MMP16: variants seen among roughly 807,000 people sequenced by gnomAD.
MMP16 encodes the protein matrix metalloproteinase-16.
Under a neutral mutation model 67.8 loss-of-function variants are expected in MMP16, and 12 were observed. The ratio of observed to expected loss-of-function variants is 0.18; its 90% CI spans 0.11 to 0.29. The LOEUF (loss-of-function observed/expected upper bound fraction) is 0.29, where lower values mean the gene tolerates loss of function less well. MMP16 is among the 10% of genes least tolerant of loss of function. The pLI is 1.00. For missense variants in MMP16, 475 were observed against 765.7 expected, an observed-to-expected ratio of 0.62 and a Z score of 4.48; for synonymous variants, 249 against 255.9, an observed-to-expected ratio of 0.97 and a Z score of 0.26.
At chr8:88,213,750 C>T (rs541713526) in intron 1 of MMP16, among the ~76,000 whole-genome samples, 6 of 152,054 alleles carry the variant, frequency 3.9e-5, no homozygotes, top group African/African-American at 1.2e-4. Context: ...TAATTACATA[C>T]CAAAGAAGCA....
chr8:88,067,321 C>A lies in MMP16; in HGVS notation c.1222+7284G>T, dbSNP rs188928077. On this transcript the variant is annotated intron_variant, in intron 7 of 9. Coordinates refer to ENST00000286614, the MANE Select transcript of MMP16 (RefSeq NM_005941.5). Reference sequence around the variant, plus strand: ...TCATAATCAACATGCTCTGGAACAACGAAGGAATCAAATTGTACTACCTAT... The same window carrying A: ...TCATAATCAACATGCTCTGGAACAAAGAAGGAATCAAATTGTACTACCTAT... Among the ~76,000 whole-genome samples the A allele has an allele frequency of 1.8e-3, 273 of 151,980 alleles. 3 individuals carry two copies. The highest frequency in any genetic ancestry group is 6.3e-3 in the African/African-American group (260 of 41,480).
At chr8:88,245,126 A>T (rs1810093007) in intron 1 of MMP16, among the ~76,000 whole-genome samples, 1 of 152,124 alleles carries the variant, frequency 6.6e-6, no homozygotes, top group Admixed American at 6.5e-5. Context: ...CTCAACCCTG[A>T]ATTGTTTTCT....
chr8:88,047,648 C>T (rs28991908), intron 8 of MMP16, among the ~76,000 whole-genome samples: 2 of 152,150 alleles, frequency 1.3e-5, no homozygotes, highest in African/African-American at 2.4e-5. Context: ...GCTGGGGTGA[C>T]TGGAATTGAG....
chr8:88,089,449 T>C (rs1384614725), intron 6 of MMP16, among the ~76,000 whole-genome samples: 1 of 151,764 alleles, frequency 6.6e-6, no homozygotes, highest in Non-Finnish European at 1.5e-5. Flanking sequence ...TCCAAGAGGA[T>C]AGAGTGGTAA....
rs533923240 is a variant in MMP16 at position 88,151,443 on chromosome 8, A to T, written c.709+16226T>A. ...CAGCACCACACCACACCTATTCCAA[A>T]ATTGACCACATAGTTGGAAGTAAAG... On this transcript the variant is annotated intron_variant, in intron 4 of 9. Coordinates refer to ENST00000286614, the MANE Select transcript of MMP16 (RefSeq NM_005941.5). Among the ~76,000 whole-genome samples the T allele has an allele frequency of 7.7e-3, 1,164 of 150,976 alleles. 15 individuals carry two copies. The highest frequency in any genetic ancestry group is 0.062 in the Middle Eastern group (18 of 288).
chr8:88,145,918 C>T (rs1371603179), intron 4 of MMP16, among the ~76,000 whole-genome samples: 1 of 151,926 alleles, frequency 6.6e-6, no homozygotes, highest in Non-Finnish European at 1.5e-5. Flanking sequence ...AAACATCAAG[C>T]CTGTAATGTA....
chr8:88,308,535 G>A (rs1354558858), intron 1 of MMP16, among the ~76,000 whole-genome samples: 1 of 152,004 alleles, frequency 6.6e-6, no homozygotes, highest in East Asian at 1.9e-4. Flanking sequence ...AGTTCTCAAC[G>A]AAACCTGAGC....
intron 6 of MMP16, among the ~76,000 whole-genome samples, chr8:88,114,907 G>T (rs1240420289): frequency 6.6e-6 from 1 of 151,782 alleles, no homozygotes; most frequent in Non-Finnish European, 1.5e-5. Context: ...CTTTTTATCA[G>T]TTCCTGATTT....
At chr8:88,279,062 A>G (rs1477060612) in intron 1 of MMP16, among the ~76,000 whole-genome samples, 2 of 152,022 alleles carry the variant, frequency 1.3e-5, no homozygotes, top group Non-Finnish European at 2.9e-5. Context: ...TCTCTACTAA[A>G]AATACAAAAA....
At chr8:88,047,920 T>C (rs1808219674) in intron 8 of MMP16, among the ~76,000 whole-genome samples, 1 of 152,096 alleles carries the variant, frequency 6.6e-6, no homozygotes, top group African/African-American at 2.4e-5. Flanking sequence ...AGTCAATAGC[T>C]ATAGGACTGA....
intron 4 of MMP16, among the ~76,000 whole-genome samples, chr8:88,148,283 T>C (rs566354847): frequency 2.6e-5 from 4 of 152,342 alleles, no homozygotes; most frequent in South Asian, 2.1e-4. Context: ...TTTAATATTA[T>C]GTATCTTAAT....
intron 1 of MMP16, among the ~76,000 whole-genome samples, chr8:88,237,681 CA>C (rs77461112): frequency 4.7e-4 from 71 of 151,274 alleles, no homozygotes; most frequent in African/African-American, 7.1e-4. Flanking sequence ...ACAACAACAA[CA>C]AAAAACAACT....
At chr8:88,285,418 T>C (rs1406455614) in intron 1 of MMP16, among the ~76,000 whole-genome samples, 1 of 152,148 alleles carries the variant, frequency 6.6e-6, no homozygotes, top group Admixed American at 6.5e-5. Context: ...GGGATTATAG[T>C]TGTGAGCCAC....
chr8:88,156,692 G>T (rs2681296), intron 4 of MMP16, among the ~76,000 whole-genome samples: 2 of 151,760 alleles, frequency 1.3e-5, no homozygotes, highest in Non-Finnish European at 2.9e-5. Flanking sequence ...CATTAATTCA[G>T]ACCAATTGGA....
At chr8:88,220,534 CTT>C (rs34093457) in intron 1 of MMP16, among the ~76,000 whole-genome samples, 5 of 146,972 alleles carry the variant, frequency 3.4e-5, no homozygotes, top group African/African-American at 1.0e-4. Context: ...GTGTGCATGA[CTT>C]TTTTTTTTTT....
At position 88,191,248 on chromosome 8, in the gene MMP16, T is replaced by C. The variant is rs866434498; in HGVS notation, c.282-4650A>G. On this transcript the variant is annotated intron_variant, in intron 2 of 9. Coordinates refer to ENST00000286614, the MANE Select transcript of MMP16 (RefSeq NM_005941.5). ...TTACCTCGCTGACTCAATAGTCCTATGACAATAGGTTACCGTTTCTTTTTA... is the reference window on the plus strand; with the variant it reads ...TTACCTCGCTGACTCAATAGTCCTACGACAATAGGTTACCGTTTCTTTTTA... Among the ~76,000 whole-genome samples, 4 of 152,168 alleles carry C rather than the reference T, an allele frequency of 2.6e-5. No individual in the cohort carries two copies. In the South Asian group the frequency reaches 6.2e-4, roughly 24 times the overall value.
chr8:88,132,591 A>T (rs371785341), intron 4 of MMP16, among the ~76,000 whole-genome samples: 1 of 151,862 alleles, frequency 6.6e-6, no homozygotes, highest in South Asian at 2.1e-4. Flanking sequence ...GTTGGCTATG[A>T]CATGTCATCT....
At chr8:88,267,882 G>C (rs558783031) in intron 1 of MMP16, among the ~76,000 whole-genome samples, 1 of 152,232 alleles carries the variant, frequency 6.6e-6, no homozygotes, top group East Asian at 1.9e-4. Flanking sequence ...CCTATTCAAT[G>C]ATCCTGTCAT....
intron 6 of MMP16, among the ~76,000 whole-genome samples, chr8:88,095,236 T>C (rs1006774954): frequency 1.3e-5 from 2 of 151,870 alleles, no homozygotes; most frequent in Non-Finnish European, 2.9e-5. Context: ...TTTTTGCAAG[T>C]TTATTATAAC....
Sources: gnomAD v4.1 joint callset for allele counts (sites outside exome capture counted in the v4.1 genomes callset) on GRCh38, gnomAD v4.1.1 for gene constraint, MANE v1.5 for transcripts, NCBI Gene and HGNC (gene_info 2026-07-23, HGNC 2026-07-21) for gene names.